Variants in ANAPC1 observed in about 807,000 individuals in gnomAD.
ANAPC1 encodes anaphase promoting complex subunit 1, also known as anaphase-promoting complex subunit 1.
ANAPC1 carries 36 observed loss-of-function variants against 208.0 expected under a neutral mutation model. That is an observed-to-expected ratio of 0.17 (90% CI 0.13 to 0.23). ANAPC1 has a LOEUF of 0.23. Among genes scored for constraint, ANAPC1 ranks in the 10% least tolerant of loss-of-function variants. ANAPC1 has a pLI of 1.00. For synonymous variants in ANAPC1, 378 were observed against 695.2 expected, an observed-to-expected ratio of 0.54 and a Z score of 7.18; for missense variants, 942 against 2,011.6, an observed-to-expected ratio of 0.47 and a Z score of 10.17.
At chr2:111,836,640 C>T (rs1680484209) in intron 18 of ANAPC1, among the ~76,000 whole-genome samples, 1 of 150,212 alleles carries the variant, frequency 6.7e-6, no homozygotes, top group Admixed American at 6.7e-5. Flanking sequence ...GAGTGACACC[C>T]TGTCTCTTAA....
intron 38 of ANAPC1, among the ~76,000 whole-genome samples, chr2:111,789,002 G>A (rs1407053412): frequency 5.9e-5 from 9 of 152,278 alleles, no homozygotes; most frequent in South Asian, 4.1e-4. Flanking sequence ...GCCGGGCGCC[G>A]TGGCGGGCGC....
intron 6 of ANAPC1, among the ~76,000 whole-genome samples, chr2:111,870,600 G>T (rs920235104): frequency 6.6e-6 from 1 of 152,208 alleles, no homozygotes; most frequent in African/African-American, 2.4e-5. Flanking sequence ...CTGGATACTA[G>T]TGCTTTGTTG....
intron 2 of ANAPC1, among the ~76,000 whole-genome samples, chr2:111,880,216 A>C (rs1205633954): frequency 6.6e-6 from 1 of 151,796 alleles, no homozygotes; most frequent in African/African-American, 2.4e-5. Context: ...ACTACTAAAA[A>C]TACAAAATTA....
At chr2:111,792,652 T>G in intron 37 of ANAPC1, 97 bp from the exon 38 acceptor site, 1 of 983,892 alleles carries the variant, frequency 1.0e-6, no homozygotes. Flanking sequence ...CAAAAGTTTG[T>G]AACTTAAAAA....
At chr2:111,821,564 T>C (rs1679536395) in intron 25 of ANAPC1, 111 bp from the exon 26 acceptor site, 1 of 1,240,694 alleles carries the variant, frequency 8.1e-7, no homozygotes, top group East Asian at 2.5e-5. Context: ...ACAGAGAAAA[T>C]ATGTTTTCCA....
chr2:111,834,913 C>A lies in ANAPC1; in HGVS notation c.2116-41G>T, dbSNP rs763241006. The A allele has an allele frequency of 7.4e-6, 10 of 1,347,806 alleles. No individual in the cohort carries two copies. The Admixed American group carries it at 1.6e-4, about 22-fold the overall frequency. The allele number at this position is 1,347,806 out of a possible 1,614,324, so 83.5% of individuals were successfully genotyped here. ...AGAATATTAATTTTTAAAAATAATACCTCCTTATAATATCATAAGAAAATT... is the reference window on the plus strand; with the variant it reads ...AGAATATTAATTTTTAAAAATAATAACTCCTTATAATATCATAAGAAAATT... On this transcript the variant is annotated intron_variant, in intron 18 of 47. Coordinates refer to ENST00000341068, the MANE Select transcript of ANAPC1 (RefSeq NM_022662.4).
intron 20 of ANAPC1, among the ~76,000 whole-genome samples, chr2:111,832,669 C>A (rs1379115640): frequency 6.6e-6 from 1 of 152,126 alleles, no homozygotes; most frequent in African/African-American, 2.4e-5. Context: ...GTGGCTCACG[C>A]CTGTAATCCC....
chr2:111,877,990 G>A (rs951742586), intron 3 of ANAPC1, among the ~76,000 whole-genome samples: 1 of 152,100 alleles, frequency 6.6e-6, no homozygotes, highest in Non-Finnish European at 1.5e-5. Flanking sequence ...ATAGCTAGAA[G>A]CACATAATAC....
rs1681535685 is a variant in ANAPC1, at chr2:111,853,675, G to A, written c.1516-2765C>T. Among the ~76,000 whole-genome samples, 3 of 150,650 alleles carry A rather than the reference G, an allele frequency of 2.0e-5. No individual in the cohort carries two copies. The South Asian group carries it at 6.3e-4, about 32-fold the overall frequency. On this transcript the variant is annotated intron_variant, in intron 13 of 47. Coordinates refer to ENST00000341068, the MANE Select transcript of ANAPC1 (RefSeq NM_022662.4). ...ATTTTGTCCTCCTCCCATGGATCATGAATATTCTTAATGGCATCTAGAAAG... is the reference window on the plus strand; with the variant it reads ...ATTTTGTCCTCCTCCCATGGATCATAAATATTCTTAATGGCATCTAGAAAG...
At chr2:111,821,532 G>A (rs1679534829) in intron 25 of ANAPC1, 79 bp from the exon 26 acceptor site, 3 of 1,471,122 alleles carry the variant, frequency 2.0e-6, no homozygotes, top group South Asian at 1.2e-5. Flanking sequence ...TATATAGGCT[G>A]ATGTGTCTTG....
intron 16 of ANAPC1, among the ~76,000 whole-genome samples, chr2:111,844,264 G>A (rs1372215545): frequency 6.6e-6 from 1 of 152,090 alleles, no homozygotes. Flanking sequence ...TCTAGCTCGG[G>A]TGACAAATTA....
chr2:111,880,840 A>C lies in ANAPC1; in HGVS notation c.-15T>G. ...AAGTTCGACATGGGTTCCAAATATC[A>C]ACATTATTTCTGTATGAATTCAAAC... On this transcript the variant is annotated 5_prime_UTR_variant, in exon 2 of 48. Coordinates refer to ENST00000341068, the MANE Select transcript of ANAPC1 (RefSeq NM_022662.4). 6.2e-7 allele frequency: 1 copy of C among 1,613,440 alleles called. No individual in the cohort carries two copies. The highest frequency in any genetic ancestry group is 8.5e-7 in the Non-Finnish European group (1 of 1,179,606).
intron 3 of ANAPC1, among the ~76,000 whole-genome samples, chr2:111,876,696 T>C (rs1268917379): frequency 2.0e-5 from 3 of 152,338 alleles, no homozygotes; most frequent in Non-Finnish European, 2.9e-5. Context: ...CCCTCAAATG[T>C]TGGAATAATG....
chr2:111,801,126 G>C (rs1172734188), intron 33 of ANAPC1, among the ~76,000 whole-genome samples: 7 of 152,074 alleles, frequency 4.6e-5, no homozygotes, highest in Non-Finnish European at 1.0e-4. Context: ...GGAGACCAAG[G>C]CGGGCAGATC....
intron 18 of ANAPC1, among the ~76,000 whole-genome samples, chr2:111,837,060 T>G (rs200988518): frequency 7.2e-6 from 1 of 139,648 alleles, no homozygotes; most frequent in South Asian, 2.2e-4. Flanking sequence ...AAAAAAAAAA[T>G]GGAAATAGCC....
chr2:111,812,134 C>G (rs959158150), intron 28 of ANAPC1, among the ~76,000 whole-genome samples: 2 of 141,764 alleles, frequency 1.4e-5, no homozygotes, highest in Non-Finnish European at 3.1e-5. Flanking sequence ...GTCCCCTTTT[C>G]TTTACAAGAT....
At chr2:111,858,005 A>T (rs1233022802) in intron 11 of ANAPC1, among the ~76,000 whole-genome samples, 1 of 152,116 alleles carries the variant, frequency 6.6e-6, no homozygotes, top group Admixed American at 6.6e-5. Flanking sequence ...TTAATCTATA[A>T]AGGCAGAAGC....
intron 14 of ANAPC1, among the ~76,000 whole-genome samples, chr2:111,848,776 C>CAA (rs373488904): frequency 4.0e-5 from 4 of 99,932 alleles, no homozygotes; most frequent in East Asian, 5.9e-4. Flanking sequence ...GACTCCATCT[C>CAA]AAAAAAAAAA....
intron 7 of ANAPC1, 71 bp from the exon 8 acceptor site, chr2:111,865,022 T>C: frequency 1.4e-6 from 2 of 1,477,206 alleles, no homozygotes. Context: ...TGAACAGAGC[T>C]CTTAAAATTG....
Sources: allele counts gnomAD v4.1 joint callset (sites outside exome capture counted in the v4.1 genomes callset), GRCh38; gene constraint gnomAD v4.1.1; transcripts MANE v1.5; gene names NCBI Gene and HGNC (gene_info 2026-07-23, HGNC 2026-07-21).